NPAT: variants seen among roughly 807,000 people sequenced by gnomAD.
The protein encoded by NPAT is nuclear protein, coactivator of histone transcription.
Under a neutral mutation model 130.7 loss-of-function variants are expected in NPAT, and 52 were observed. The ratio of observed to expected loss-of-function variants is 0.40; its 90% CI spans 0.32 to 0.50. The LOEUF (loss-of-function observed/expected upper bound fraction) is 0.50. Among genes scored for constraint, NPAT ranks in the 20% least tolerant of loss-of-function variants. NPAT has a pLI of 0.68. For synonymous variants in NPAT, 580 were observed against 584.8 expected, an observed-to-expected ratio of 0.99 and a Z score of 0.12; for missense variants, 1,687 against 1,662.6, an observed-to-expected ratio of 1.01 and a Z score of -0.26.
chr11:108,176,147 C>T (rs2078003544), intron 12 of NPAT, 99 bp downstream of exon 12: 1 of 913,212 alleles, frequency 1.1e-6, no homozygotes, highest in South Asian at 1.4e-5. Flanking sequence ...CTATAACAAT[C>T]TGAACAACTT....
intron 5 of NPAT, among the ~76,000 whole-genome samples, chr11:108,189,588 T>A (rs2078143442): frequency 6.6e-6 from 1 of 152,316 alleles, no homozygotes; most frequent in East Asian, 1.9e-4. Flanking sequence ...AACCTGAACT[T>A]GGCCGGGCGC....
chr11:108,163,609 A>C (rs2077873901), intron 15 of NPAT, among the ~76,000 whole-genome samples: 1 of 152,218 alleles, frequency 6.6e-6, no homozygotes, highest in South Asian at 2.1e-4. Flanking sequence ...CAAGGGGAAA[A>C]ACACTAGGCA....
intron 12 of NPAT, among the ~76,000 whole-genome samples, chr11:108,174,277 A>G (rs2077983402): frequency 6.6e-6 from 1 of 151,990 alleles, no homozygotes; most frequent in Admixed American, 6.5e-5. Context: ...CACCCAACTT[A>G]TCTGACATAT....
intron 15 of NPAT, among the ~76,000 whole-genome samples, chr11:108,162,484 G>A (rs932481915): frequency 2.6e-5 from 4 of 152,174 alleles, no homozygotes; most frequent in South Asian, 2.1e-4. Context: ...AGGCTGGAGC[G>A]CAGTGGCATG....
intron 13 of NPAT, chr11:108,171,997 A>C: frequency 3.5e-6 from 2 of 577,404 alleles, no homozygotes; most frequent in Non-Finnish European, 6.1e-6. Flanking sequence ...AAACCACTAA[A>C]GCCCATAGCT....
At chr11:108,166,185 A>G (rs1229875089) in intron 15 of NPAT, among the ~76,000 whole-genome samples, 1 of 151,988 alleles carries the variant, frequency 6.6e-6, no homozygotes, top group Non-Finnish European at 1.5e-5. Context: ...AGAGGTCAGG[A>G]GTTCAAGACC....
chr11:108,159,287 G>C (rs922750397), intron 17 of NPAT, among the ~76,000 whole-genome samples: 1 of 152,148 alleles, frequency 6.6e-6, no homozygotes, highest in African/African-American at 2.4e-5. Flanking sequence ...AATGAGACAA[G>C]ATAGAACATG....
At chr11:108,179,636 T>C (rs1257072394) in intron 10 of NPAT, among the ~76,000 whole-genome samples, 1 of 152,144 alleles carries the variant, frequency 6.6e-6, no homozygotes, top group Non-Finnish European at 1.5e-5. Flanking sequence ...TTATCCTCGT[T>C]TGAAAAGGGG....
chr11:108,213,562 T>C (rs929082108), intron 1 of NPAT, among the ~76,000 whole-genome samples: 2 of 152,220 alleles, frequency 1.3e-5, no homozygotes, highest in Admixed American at 6.5e-5. Context: ...TTCAATATTG[T>C]TAAAAACTCA....
chr11:108,161,324 G>A lies in NPAT; in HGVS notation c.3762C>T (p.Ser1254=). The A allele has an allele frequency of 6.2e-7, 1 of 1,614,158 alleles. No homozygotes were observed. The highest frequency in any genetic ancestry group is 8.5e-7 in the Non-Finnish European group (1 of 1,179,998). ...TACTATCAGCAAGCCTACTTACTGAGCTGTGCCTCTGTATATCCTGTAACA... is the reference window on the plus strand; with the variant it reads ...TACTATCAGCAAGCCTACTTACTGAACTGTGCCTCTGTATATCCTGTAACA... ...TEMLQDIQRH[S]SVSRLADSSD... Residue 1254 remains serine (S), a synonymous_variant, in exon 17 of 18, where the codon AGC becomes AGT. Coordinates refer to ENST00000278612, the MANE Select transcript of NPAT (RefSeq NM_002519.3).
chr11:108,164,967 C>T (rs1344257570), intron 15 of NPAT, among the ~76,000 whole-genome samples: 1 of 152,136 alleles, frequency 6.6e-6, no homozygotes, highest in African/African-American at 2.4e-5. Context: ...GCTGAGACTG[C>T]CACTGCATTC....
At chr11:108,165,407 G>T (rs2077891568) in intron 15 of NPAT, among the ~76,000 whole-genome samples, 1 of 147,400 alleles carries the variant, frequency 6.8e-6, no homozygotes. Flanking sequence ...ACTGCACCCA[G>T]TTTCTTTTAT....
At chr11:108,187,071 G>A (rs1018680264) in intron 7 of NPAT, among the ~76,000 whole-genome samples, 1 of 151,996 alleles carries the variant, frequency 6.6e-6, no homozygotes, top group African/African-American at 2.4e-5. Context: ...TGCATTATTG[G>A]GTTTACTAAA....
chr11:108,165,716 C>T (rs941489079), intron 15 of NPAT, among the ~76,000 whole-genome samples: 6 of 151,654 alleles, frequency 4.0e-5, no homozygotes, highest in South Asian at 2.1e-4. Flanking sequence ...CTGCAAGCTC[C>T]GCCTCCCAGG....
chr11:108,161,258 C>T lies in NPAT; in HGVS notation c.3828G>A (p.Gly1276=). ...PVPRTPGSGA[G]EKHKEEPIDI... ...CTATAGGTTCTTCTTTATGTTTTTC[C>T]CCTGCCCCTGAGCCAGGTGTCCGGG... The change falls in exon 17 of 18, where the codon GGG becomes GGA. Residue 1276 remains glycine (G), a synonymous_variant. Transcript: ENST00000278612. 3 of 1,614,096 alleles carry T rather than the reference C, an allele frequency of 1.9e-6. No individual in the cohort carries two copies. The highest frequency in any genetic ancestry group is 2.5e-6 in the Non-Finnish European group (3 of 1,180,030).
At chr11:108,213,388 T>C (rs888025876) in intron 1 of NPAT, among the ~76,000 whole-genome samples, 1 of 152,100 alleles carries the variant, frequency 6.6e-6, no homozygotes, top group Non-Finnish European at 1.5e-5. Context: ...CTACCAAAAA[T>C]TAAGAATGCA....
intron 11 of NPAT, 91 bp from the exon 12 acceptor site, chr11:108,176,465 A>C: frequency 1.0e-6 from 1 of 977,474 alleles, no homozygotes; most frequent in South Asian, 1.4e-5. Context: ...CGCAAATGTT[A>C]AACTTCGATT....
At position 108,160,305 on chromosome 11, in the gene NPAT, G is replaced by A. The variant is rs553820212; in HGVS notation, c.4206+575C>T. Among the ~76,000 whole-genome samples, 111 of 152,046 alleles carry A rather than the reference G, an allele frequency of 7.3e-4. 1 individual carries two copies. Among genetic ancestry groups the A allele is most frequent in the African/African-American group, 2.5e-3 (103 of 41,484 alleles). ...ACCATTGCACTCCAGCCTGGGCAAC[G>A]AGAGTGAAACCCTCTCTCAAAAAAA... On this transcript the variant is annotated intron_variant, in intron 17 of 17. Coordinates refer to ENST00000278612, the MANE Select transcript of NPAT (RefSeq NM_002519.3).
intron 3 of NPAT, 134 bp from the exon 4 acceptor site, chr11:108,192,324 T>C (rs1014459849): frequency 9.8e-6 from 7 of 715,154 alleles, no homozygotes; most frequent in Admixed American, 8.2e-5. Flanking sequence ...TAAATCTATG[T>C]TGTAAAATAG....
Sources: allele counts gnomAD v4.1 joint callset (sites outside exome capture counted in the v4.1 genomes callset), GRCh38; gene constraint gnomAD v4.1.1; transcripts MANE v1.5; gene names NCBI Gene and HGNC (gene_info 2026-07-23, HGNC 2026-07-21).